The following SHPRH variants were observed in gnomAD, a reference collection of about 807,000 sequenced individuals.
SHPRH encodes the protein E3 ubiquitin-protein ligase SHPRH.
In SHPRH, 106 loss-of-function variants were observed where a neutral mutation model predicts 202.5. That is an observed-to-expected ratio of 0.52 (90% CI 0.45 to 0.62). The LOEUF is 0.62. Among genes scored for constraint, SHPRH ranks in the 20% least tolerant of loss-of-function variants. The pLI, the probability that SHPRH is intolerant of heterozygous loss-of-function variation, is 0.00. For missense variants in SHPRH, 1,710 were observed against 2,020.0 expected (o/e 0.85, Z 2.94); for synonymous variants, 729 against 686.0 (o/e 1.06, Z -0.98).
At chr6:145,931,527 G>A (rs553462860) in intron 14 of SHPRH, among the ~76,000 whole-genome samples, 28 of 152,012 alleles carry the variant, frequency 1.8e-4, no homozygotes, top group African/African-American at 5.3e-4. Context: ...TAGTAGAGAC[G>A]GGGTTTCACC....
intron 20 of SHPRH, 57 bp downstream of exon 20, chr6:145,922,229 T>G: frequency 6.8e-7 from 1 of 1,464,710 alleles, no homozygotes; most frequent in Non-Finnish European, 9.4e-7. Flanking sequence ...ATCACATAAC[T>G]GAGTCTTGCA....
chr6:145,918,243 TA>T lies in SHPRH; in HGVS notation c.4153-12del. On this transcript the variant is annotated splice_polypyrimidine_tract_variant and intron_variant, in intron 22 of 29. Coordinates refer to ENST00000275233, the MANE Select transcript of SHPRH (RefSeq NM_001042683.3). ...TCGGTTTTGTTCTACCTAAAGAAAA[TA>T]AAAATAAAAACTTCTTTATTCTTTC... 1 of 1,497,624 alleles carries T rather than the reference TA, an allele frequency of 6.7e-7. No individual in the cohort carries two copies. Among genetic ancestry groups the T allele is most frequent in the Non-Finnish European group, 8.9e-7 (1 of 1,119,978 alleles). 92.8% of individuals were successfully genotyped at this position (1,497,624 alleles called of 1,614,324 possible).
chr6:145,926,981 C>T (rs1784939629), intron 15 of SHPRH, among the ~76,000 whole-genome samples: 1 of 151,854 alleles, frequency 6.6e-6, no homozygotes, highest in South Asian at 2.1e-4. Flanking sequence ...CAGGCTTGTG[C>T]CCAAAACTTC....
chr6:145,924,643 T>G (rs976277424), intron 17 of SHPRH, 96 bp downstream of exon 17: 1 of 959,880 alleles, frequency 1.0e-6, no homozygotes, highest in Admixed American at 2.0e-5. Context: ...GATTTCAAAA[T>G]GTATAAGAAA....
chr6:145,954,640 A>C (rs750083465), intron 2 of SHPRH, 50 bp downstream of exon 2: 1 of 1,509,634 alleles, frequency 6.6e-7, no homozygotes, highest in Non-Finnish European at 8.8e-7. Context: ...TTAAAATTGG[A>C]CTGCCAATGT....
intron 2 of SHPRH, among the ~76,000 whole-genome samples, chr6:145,879,269 AAAAG>A (rs541339601): frequency 1.7e-3 from 261 of 152,264 alleles, no homozygotes; most frequent in African/African-American, 5.1e-3. Context: ...TACATTTTAA[AAAAG>A]AAATAGTTGC....
downstream of SHPRH, among the ~76,000 whole-genome samples, chr6:145,879,834 C>A (rs1402008351): frequency 6.8e-6 from 1 of 147,508 alleles, no homozygotes; most frequent in Non-Finnish European, 1.5e-5. Context: ...ATTGCTGGAA[C>A]CCGGGAGTAG....
At chr6:145,919,294 A>T (rs192353016) in intron 22 of SHPRH, 54 bp downstream of exon 22, 2 of 1,606,654 alleles carry the variant, frequency 1.2e-6, no homozygotes, top group Non-Finnish European at 1.7e-6. Context: ...TGGGTCTTAG[A>T]TATCTGTGAC....
In SHPRH at chr6:145,941,603, G is replaced by T. The variant is rs985671137; in HGVS notation, c.2490+20C>A. ...CACCCTTCTTCCCCAGCCCTCAAAAGATTTTGCAGAAACTCTCACTTTTAC... is the reference window on the plus strand; with the variant it reads ...CACCCTTCTTCCCCAGCCCTCAAAATATTTTGCAGAAACTCTCACTTTTAC... On this transcript the variant is annotated intron_variant, in intron 10 of 29. Transcript: ENST00000275233. 1.9e-6 allele frequency: 3 copies of T among 1,611,370 alleles called. No individual in the cohort carries two copies. The highest frequency in any genetic ancestry group is 2.5e-6 in the Non-Finnish European group (3 of 1,178,194).
In SHPRH at chr6:145,894,906, G is replaced by A. The variant is rs766454000; in HGVS notation, c.4587C>T (p.Ala1529=). The A allele has an allele frequency of 3.1e-6, 5 of 1,612,818 alleles. No homozygotes were observed. Among genetic ancestry groups the A allele is most frequent in the Non-Finnish European group, 4.2e-6 (5 of 1,179,222 alleles). Residue 1529 remains alanine, a synonymous_variant, in exon 26 of 30, where the codon GCC becomes GCT. Transcript: ENST00000275233. Reference sequence around the variant, plus strand: ...ATACCGTTGAGAAAACGAGTGCTTTGGCCCCTGGATCTCTAAGCTGTATTT... The same window carrying A: ...ATACCGTTGAGAAAACGAGTGCTTTAGCCCCTGGATCTCTAAGCTGTATTT... ...LMKIQLRDPG[A]KALVFSTWQD... is the part of the protein sequence containing the mutation.
At chr6:145,948,395 C>T (rs1369059811) in intron 4 of SHPRH, 45 bp from the exon 5 acceptor site, 6 of 1,444,986 alleles carry the variant, frequency 4.2e-6, no homozygotes, top group Non-Finnish European at 5.8e-6. Flanking sequence ...GTTTTCCCTT[C>T]AGTCAGATAA....
At chr6:145,937,107 C>T (rs1175218862) in intron 11 of SHPRH, among the ~76,000 whole-genome samples, 1 of 151,798 alleles carries the variant, frequency 6.6e-6, no homozygotes, top group Non-Finnish European at 1.5e-5. Flanking sequence ...CCTCAGCCTC[C>T]CGACTAGCTG....
rs374364606 is a variant in SHPRH at position 145,889,217 on chromosome 6, C to A, written c.4875-1117G>T. On this transcript the variant is annotated intron_variant, in intron 28 of 29. Coordinates refer to ENST00000275233, the MANE Select transcript of SHPRH (RefSeq NM_001042683.3). Reference sequence around the variant, plus strand: ...CTAAAGCCCTAAGACTGGAAAAATTCATCGAAGGGGTGTAGACAAAGAACC... The same window carrying A: ...CTAAAGCCCTAAGACTGGAAAAATTAATCGAAGGGGTGTAGACAAAGAACC... Among the ~76,000 whole-genome samples, 10 of 152,166 alleles carry A rather than the reference C, an allele frequency of 6.6e-5. No homozygotes were observed. In the East Asian group the frequency reaches 1.4e-3, roughly 21 times the overall value.
intron 24 of SHPRH, among the ~76,000 whole-genome samples, chr6:145,912,077 G>A (rs942671687): frequency 2.6e-5 from 4 of 151,242 alleles, no homozygotes; most frequent in Non-Finnish European, 4.4e-5. Flanking sequence ...ACCTACATGT[G>A]CAATGGAGAA....
At chr6:145,887,974 A>G (rs369867496) in intron 29 of SHPRH, 46 bp downstream of exon 29, 6 of 1,419,160 alleles carry the variant, frequency 4.2e-6, no homozygotes, top group Non-Finnish European at 5.0e-6. Context: ...ACAAACTTTT[A>G]ACAGGAAAAC....
At chr6:145,933,311 G>C in intron 13 of SHPRH, 133 bp from the exon 14 acceptor site, 1 of 1,316,032 alleles carries the variant, frequency 7.6e-7, no homozygotes, top group South Asian at 1.7e-5. Flanking sequence ...ATTTTTTTTC[G>C]CCTCAATTTT....
chr6:145,878,462 C>T (rs1167983317), intron 2 of SHPRH, among the ~76,000 whole-genome samples: 2 of 152,250 alleles, frequency 1.3e-5, no homozygotes, highest in African/African-American at 4.8e-5. Flanking sequence ...CCTTCCTCCT[C>T]TCCAAACCTT....
At chr6:145,907,958 C>T (rs937085534) in intron 25 of SHPRH, 5 of 152,076 alleles carry the variant, frequency 3.3e-5, no homozygotes, top group Admixed American at 1.3e-4. Flanking sequence ...GTGTTGTTCC[C>T]TTCTTTGTGT....
chr6:145,886,857 T>C (rs1176357642), intron 29 of SHPRH, 70 bp from the exon 30 acceptor site: 8 of 1,520,522 alleles, frequency 5.3e-6, no homozygotes, highest in Non-Finnish European at 6.2e-6. Context: ...TTTGTAGTAA[T>C]ACGAACTAGA....
Sources: gnomAD v4.1 joint callset for allele counts (sites outside exome capture counted in the v4.1 genomes callset) on GRCh38, gnomAD v4.1.1 for gene constraint, MANE v1.5 for transcripts, NCBI Gene and HGNC (gene_info 2026-07-23, HGNC 2026-07-21) for gene names.